Variants in UST observed in about 807,000 individuals in gnomAD.
The protein encoded by UST is uronyl 2-sulfotransferase, also known as chondroitin sulfate 2-O-sulfotransferase.
UST carries 21 observed loss-of-function variants against 45.6 expected under a neutral mutation model. That is an observed-to-expected ratio of 0.46 (90% CI 0.33 to 0.66). UST has a LOEUF of 0.66. Among genes scored for constraint, UST ranks in the 30% least tolerant of loss-of-function variants. The probability of loss-of-function intolerance (pLI) is 0.02; values close to 1 mark genes in which losing one functional copy is unlikely to be tolerated. For synonymous variants in UST, 215 were observed against 200.6 expected (o/e 1.07, Z -0.61); for missense variants, 463 against 512.4 (o/e 0.90, Z 0.93).
chr6:149,058,205 G>C (rs1012334570), intron 7 of UST, among the ~76,000 whole-genome samples: 2 of 152,106 alleles, frequency 1.3e-5, no homozygotes, highest in African/African-American at 2.4e-5. Flanking sequence ...ATGAGACAAA[G>C]AACTGTCCTG....
intron 3 of UST, among the ~76,000 whole-genome samples, chr6:148,948,133 T>A (rs1780287090): frequency 6.6e-6 from 1 of 152,146 alleles, no homozygotes; most frequent in African/African-American, 2.4e-5. Context: ...TCCTGCCTCC[T>A]GCTTACAAGG....
At chr6:148,851,915 G>A (rs1582851860) in intron 1 of UST, among the ~76,000 whole-genome samples, 1 of 152,234 alleles carries the variant, frequency 6.6e-6, no homozygotes, top group East Asian at 1.9e-4. Flanking sequence ...CCAACTGAGG[G>A]GCTGCCCCTG....
intron 5 of UST, among the ~76,000 whole-genome samples, chr6:149,006,856 C>T (rs1406217373): frequency 6.6e-6 from 1 of 152,148 alleles, no homozygotes; most frequent in Non-Finnish European, 1.5e-5. Flanking sequence ...ACTGATCTTC[C>T]ATTTTGCATT....
chr6:148,957,189 A>T, intron 4 of UST, among the ~76,000 whole-genome samples: 1 of 152,198 alleles, frequency 6.6e-6, no homozygotes, highest in Admixed American at 6.5e-5. Flanking sequence ...ACTCCCCAGG[A>T]GCAACCTCTT....
chr6:148,964,389 C>T (rs1476696635), intron 4 of UST, 21 bp from the exon 5 acceptor site: 2 of 1,613,486 alleles, frequency 1.2e-6, no homozygotes, highest in Non-Finnish European at 1.7e-6. Context: ...TGGGTTGTAA[C>T]GAACTCAATG....
At chr6:148,894,828 T>TC (rs56799112) in intron 2 of UST, among the ~76,000 whole-genome samples, 9 of 142,412 alleles carry the variant, frequency 6.3e-5, no homozygotes, top group East Asian at 6.1e-4. Context: ...TTTTTTTTTT[T>TC]TTTTTTTTGA....
intron 7 of UST, among the ~76,000 whole-genome samples, chr6:149,033,456 C>T (rs560295365): frequency 1.1e-4 from 17 of 152,200 alleles, no homozygotes; most frequent in Non-Finnish European, 2.2e-4. Flanking sequence ...CTTTTCACAT[C>T]TTGCAAATGG....
intron 1 of UST, among the ~76,000 whole-genome samples, chr6:148,837,671 G>A (rs1257430497): frequency 2.6e-5 from 4 of 151,790 alleles, no homozygotes; most frequent in Admixed American, 6.6e-5. Context: ...CAGAGAACAA[G>A]AGATACAAGG....
intron 4 of UST, chr6:148,958,921 C>T (rs1780585126): frequency 6.6e-6 from 1 of 152,200 alleles, no homozygotes; most frequent in Admixed American, 6.5e-5. Flanking sequence ...TTCAAACCAC[C>T]ACTTCCCTTA....
intron 2 of UST, among the ~76,000 whole-genome samples, chr6:148,896,394 C>T (rs745417519): frequency 4.6e-5 from 7 of 152,178 alleles, no homozygotes; most frequent in Non-Finnish European, 7.3e-5. Context: ...TGCAGGGCCG[C>T]CCTGCCTAGC....
intron 5 of UST, among the ~76,000 whole-genome samples, chr6:148,974,770 A>G (rs1302891698): frequency 2.6e-5 from 4 of 152,244 alleles, no homozygotes; most frequent in Non-Finnish European, 4.4e-5. Context: ...TTGGCTCCTA[A>G]AAAATGGCTC....
chr6:149,062,860 C>T (rs374637558), intron 7 of UST, among the ~76,000 whole-genome samples: 7 of 152,210 alleles, frequency 4.6e-5, no homozygotes, highest in East Asian at 1.9e-4. Flanking sequence ...TAGTGAGGGG[C>T]GATGTGAAAG....
rs77060329 is a variant in UST, at chr6:148,890,259, G to A, written c.291+3230G>A. Among the ~76,000 whole-genome samples the A allele has an allele frequency of 9.3e-3, 1,415 of 152,250 alleles. 20 individuals are homozygous for A. Among genetic ancestry groups the A allele is most frequent in the African/African-American group, 0.031 (1,308 of 41,560 alleles). On this transcript the variant is annotated intron_variant, in intron 2 of 7. Coordinates refer to ENST00000367463, the MANE Select transcript of UST (RefSeq NM_005715.3). The stretch of plus-strand genomic sequence containing the variant: ...GGTGGAAATGAATCTCAGAAGTGAT[G>A]AGGTCAGACTTCCGGATAAAGGTCC...
At chr6:148,800,872 C>G (rs1777047266) in intron 1 of UST, among the ~76,000 whole-genome samples, 1 of 143,090 alleles carries the variant, frequency 7.0e-6, no homozygotes, top group African/African-American at 2.6e-5. Context: ...AAGAAGAAAA[C>G]TATTCCACTT....
intron 1 of UST, among the ~76,000 whole-genome samples, chr6:148,877,680 CAGGGGGTCATGTATGAGTGT>C (rs1778710060): frequency 2.7e-5 from 1 of 37,310 alleles, no homozygotes; most frequent in African/African-American, 1.4e-4. Context: ...TGTATGAGTG[CAGGGGGTCATGTATGAGTGT>C]GAGGGGTCGT....
intron 5 of UST, among the ~76,000 whole-genome samples, chr6:149,010,558 T>C (rs1235144579): frequency 6.6e-6 from 1 of 152,080 alleles, no homozygotes; most frequent in East Asian, 1.9e-4. Flanking sequence ...AGCTGGATAC[T>C]AGATTGGTCT....
chr6:148,922,329 T>G (rs1398126327), intron 2 of UST, among the ~76,000 whole-genome samples: 1 of 149,864 alleles, frequency 6.7e-6, no homozygotes, highest in Admixed American at 6.7e-5. Flanking sequence ...TTCTGAGCAT[T>G]TCATATAAGT....
intron 1 of UST, among the ~76,000 whole-genome samples, chr6:148,755,421 T>C (rs1266701825): frequency 6.6e-6 from 1 of 152,222 alleles, no homozygotes; most frequent in African/African-American, 2.4e-5. Context: ...AGCTCTAAAA[T>C]AACTGCAGTC....
intron 5 of UST, among the ~76,000 whole-genome samples, chr6:149,005,794 A>G (rs188070470): frequency 3.9e-4 from 59 of 152,344 alleles, no homozygotes; most frequent in African/African-American, 1.4e-3. Flanking sequence ...ATGGATGGGA[A>G]TCAGAGAAGA....
Sources: allele counts gnomAD v4.1 joint callset (sites outside exome capture counted in the v4.1 genomes callset), GRCh38; gene constraint gnomAD v4.1.1; transcripts MANE v1.5; gene names NCBI Gene and HGNC (gene_info 2026-07-23, HGNC 2026-07-21).